The following GALNT13 variants were observed in gnomAD, a reference collection of about 807,000 sequenced individuals.
GALNT13 encodes polypeptide N-acetylgalactosaminyltransferase 13, also known as UDP-GalNAc:polypeptide N-acetylgalactosaminyltransferase 13.
Under a neutral mutation model 64.2 loss-of-function variants are expected in GALNT13, and 28 were observed. The observed-to-expected ratio is 0.44, with a 90% CI of 0.32 to 0.60. The LOEUF (loss-of-function observed/expected upper bound fraction) is 0.60. Among genes scored for constraint, GALNT13 ranks in the 20% least tolerant of loss-of-function variants. The pLI is 0.05. For missense variants in GALNT13, 577 were observed against 669.8 expected (o/e 0.86, Z 1.53); for synonymous variants, 214 against 224.6 (o/e 0.95, Z 0.42).
chr2:153,571,595 A>G, the GALNT13 span, among the ~76,000 whole-genome samples: 1 of 152,006 alleles, frequency 6.6e-6, no homozygotes, highest in East Asian at 1.9e-4. Context: ...TGCCATATAT[A>G]GCTTTTATCA....
chr2:153,617,665 A>C, the GALNT13 span, among the ~76,000 whole-genome samples: 1 of 151,908 alleles, frequency 6.6e-6, no homozygotes. Flanking sequence ...AGAATTCAGC[A>C]ATAAAACCAC....
At chr2:153,530,169 A>G in the GALNT13 span, among the ~76,000 whole-genome samples, 1 of 152,104 alleles carries the variant, frequency 6.6e-6, no homozygotes, top group South Asian at 2.1e-4. Context: ...ACCAAAAACT[A>G]TTAGAATTGA....
intron 3 of GALNT13, among the ~76,000 whole-genome samples, chr2:154,050,786 A>G (rs931719978): frequency 1.3e-5 from 2 of 152,138 alleles, no homozygotes; most frequent in African/African-American, 4.8e-5. Flanking sequence ...ACCTTTTTCT[A>G]CACACTCACC....
the GALNT13 span, among the ~76,000 whole-genome samples, chr2:153,489,143 A>AG: frequency 6.6e-6 from 1 of 152,130 alleles, no homozygotes; most frequent in Non-Finnish European, 1.5e-5. Flanking sequence ...GCGGGGGCTG[A>AG]GGGGTGAGAA....
the GALNT13 span, among the ~76,000 whole-genome samples, chr2:153,128,446 A>G: frequency 6.6e-5 from 10 of 151,750 alleles, no homozygotes; most frequent in African/African-American, 2.4e-4. Context: ...GACCCACCCC[A>G]TGATTCAATT....
the GALNT13 span, among the ~76,000 whole-genome samples, chr2:153,801,315 C>T: frequency 9.5e-5 from 14 of 148,112 alleles, no homozygotes; most frequent in South Asian, 2.1e-4. Flanking sequence ...TTTGGCCTAT[C>T]TTGCTTTTGA....
At chr2:153,393,870 A>G in the GALNT13 span, among the ~76,000 whole-genome samples, 1 of 151,864 alleles carries the variant, frequency 6.6e-6, no homozygotes, top group Non-Finnish European at 1.5e-5. Flanking sequence ...CCAAGCTTGC[A>G]GATTTTGAAT....
intron 4 of GALNT13, among the ~76,000 whole-genome samples, chr2:154,189,109 C>T (rs1236555415): frequency 2.0e-5 from 3 of 151,790 alleles, no homozygotes; most frequent in African/African-American, 7.3e-5. Flanking sequence ...TGTTCTTATT[C>T]ATATAGTTGT....
the GALNT13 span, among the ~76,000 whole-genome samples, chr2:153,602,585 A>G: frequency 6.6e-6 from 1 of 151,888 alleles, no homozygotes; most frequent in African/African-American, 2.4e-5. Context: ...CCTTGGATTA[A>G]GAGAGTTCTT....
chr2:153,308,015 A>G, the GALNT13 span, among the ~76,000 whole-genome samples: 17 of 152,182 alleles, frequency 1.1e-4, no homozygotes, highest in Admixed American at 6.5e-5. Context: ...TGTGTGGGTG[A>G]GAGACAGAGG....
In GALNT13 at chr2:154,238,268, A is replaced by G. The variant is rs1689301538; in HGVS notation, c.312-3762A>G. Among the ~76,000 whole-genome samples, 3 of 152,078 alleles carry G rather than the reference A, an allele frequency of 2.0e-5. No individual in the cohort carries two copies. The South Asian group carries it at 6.2e-4, about 31-fold the overall frequency. On this transcript the variant is annotated intron_variant, in intron 4 of 12. Coordinates refer to ENST00000392825, the MANE Select transcript of GALNT13 (RefSeq NM_052917.4). ...ATGATAAGCAATACTATTTAAAGGC[A>G]AAGAAAGCTTAAATACATGGAAGAA... is the stretch of plus-strand genomic sequence containing the variant.
rs192252336 is a variant in GALNT13 at position 154,230,741 on chromosome 2, A to G, written c.312-11289A>G. ...CTCTGTTAAAGTCCAGATGAGGTCC[A>G]CTGAAACCCCAGAAGAATTATCTAT... On this transcript the variant is annotated intron_variant, in intron 4 of 12. Coordinates refer to ENST00000392825, the MANE Select transcript of GALNT13 (RefSeq NM_052917.4). Among the ~76,000 whole-genome samples, 135 of 152,226 alleles carry G rather than the reference A, an allele frequency of 8.9e-4. 2 individuals are homozygous for G. The highest frequency in any genetic ancestry group is 6.8e-3 in the Middle Eastern group (2 of 294).
chr2:153,981,258 G>T (rs1331811079), intron 3 of GALNT13, among the ~76,000 whole-genome samples: 2 of 151,926 alleles, frequency 1.3e-5, no homozygotes, highest in Non-Finnish European at 2.9e-5. Context: ...ATATATATAT[G>T]CACAATGTGC....
intron 3 of GALNT13, among the ~76,000 whole-genome samples, chr2:154,043,275 C>T (rs1458179238): frequency 6.6e-6 from 1 of 151,510 alleles, no homozygotes. Context: ...AAAATGTATA[C>T]AGGAGAAACA....
the GALNT13 span, among the ~76,000 whole-genome samples, chr2:153,522,346 TAAAG>T: frequency 8.0e-5 from 12 of 150,728 alleles, no homozygotes; most frequent in Admixed American, 1.3e-4. Context: ...GAGAAAAAAA[TAAAG>T]AGAGAGAGAG....
intron 10 of GALNT13, among the ~76,000 whole-genome samples, chr2:154,404,677 G>C (rs558530102): frequency 6.6e-5 from 10 of 152,176 alleles, no homozygotes; most frequent in Non-Finnish European, 1.2e-4. Flanking sequence ...ACAGTCTGCA[G>C]TCTGTGAATT....
At chr2:154,345,436 T>C (rs1429948786) in intron 9 of GALNT13, among the ~76,000 whole-genome samples, 6 of 152,036 alleles carry the variant, frequency 3.9e-5, no homozygotes, top group Non-Finnish European at 7.4e-5. Context: ...ATAATGAAAA[T>C]GTTCTATAAA....
At chr2:154,414,777 T>C (rs535800536) in intron 11 of GALNT13, among the ~76,000 whole-genome samples, 1 of 152,002 alleles carries the variant, frequency 6.6e-6, no homozygotes, top group South Asian at 2.1e-4. Flanking sequence ...TTTTTCTGAC[T>C]TTTTGTTTAC....
chr2:153,618,150 A>G, the GALNT13 span, among the ~76,000 whole-genome samples: 3 of 151,742 alleles, frequency 2.0e-5, no homozygotes, highest in Non-Finnish European at 4.4e-5. Context: ...TTTTTGATGT[A>G]GGCTCTTATA....
Sources: allele counts gnomAD v4.1 joint callset (sites outside exome capture counted in the v4.1 genomes callset), GRCh38; gene constraint gnomAD v4.1.1; transcripts MANE v1.5; gene names NCBI Gene and HGNC (gene_info 2026-07-23, HGNC 2026-07-21).